SHROOM4: variants seen among roughly 807,000 people sequenced by gnomAD.
SHROOM4 encodes protein Shroom4.
In SHROOM4, 17 loss-of-function variants were observed where a neutral mutation model predicts 80.3. That is an observed-to-expected ratio of 0.21 (90% CI 0.14 to 0.32). The LOEUF is 0.32. Among genes scored for constraint, SHROOM4 ranks in the 10% least tolerant of loss-of-function variants. The probability of loss-of-function intolerance (pLI) is 1.00; values close to 1 mark genes in which losing one functional copy is unlikely to be tolerated. For missense variants in SHROOM4, 993 were observed against 1,140.3 expected, an observed-to-expected ratio of 0.87 and a Z score of 1.86; for synonymous variants, 400 against 437.5, an observed-to-expected ratio of 0.91 and a Z score of 1.07.
At chrX:50,602,178 G>A (rs1193807248) in intron 7 of SHROOM4, among the ~76,000 whole-genome samples, 4 of 107,466 alleles carry the variant, frequency 3.7e-5, no homozygotes, top group Non-Finnish European at 7.7e-5. Flanking sequence ...TGCAACCTCC[G>A]CCTCCCGGGT....
intron 1 of SHROOM4, among the ~76,000 whole-genome samples, chrX:50,774,673 G>GA (rs370357194): frequency 0.018 from 1,232 of 66,778 alleles, 14 homozygotes; most frequent in African/African-American, 0.033. Flanking sequence ...GAAAGATTTA[G>GA]AAAAAAAAAA....
intron 2 of SHROOM4, among the ~76,000 whole-genome samples, chrX:50,659,218 A>T (rs1557259759): frequency 8.9e-6 from 1 of 111,963 alleles, no homozygotes; most frequent in Non-Finnish European, 1.9e-5. Flanking sequence ...GAGAATAGTA[A>T]AATCAGATTC....
chrX:50,668,669 T>A (rs1339682775), intron 2 of SHROOM4, among the ~76,000 whole-genome samples: 2 of 112,024 alleles, frequency 1.8e-5, no homozygotes, highest in Non-Finnish European at 3.8e-5. Context: ...AATGATATGA[T>A]AAAGCACCCA....
chrX:50,644,155 TC>T (rs1194317068), intron 2 of SHROOM4, among the ~76,000 whole-genome samples: 1 of 112,247 alleles, frequency 8.9e-6, no homozygotes, highest in Non-Finnish European at 1.9e-5. Flanking sequence ...GGTCTGCACT[TC>T]CTGTGCGGAC....
chrX:50,792,437 C>T (rs1383567307), intron 1 of SHROOM4, among the ~76,000 whole-genome samples: 1 of 108,514 alleles, frequency 9.2e-6, no homozygotes, highest in African/African-American at 3.4e-5. Flanking sequence ...ACCCGGGCAG[C>T]AGAGGTTACA....
chrX:50,601,411 C>T (rs1929400224), intron 7 of SHROOM4, among the ~76,000 whole-genome samples: 1 of 112,118 alleles, frequency 8.9e-6, no homozygotes, highest in South Asian at 3.8e-4. Flanking sequence ...TCCAATTCTT[C>T]CCCTGACATT....
At chrX:50,761,593 C>T (rs188377003) in intron 1 of SHROOM4, among the ~76,000 whole-genome samples, 1 of 111,217 alleles carries the variant, frequency 9.0e-6, no homozygotes, top group Non-Finnish European at 1.9e-5. Flanking sequence ...GACGGAGTCT[C>T]GCTCTGTCAC....
intron 5 of SHROOM4, among the ~76,000 whole-genome samples, chrX:50,619,022 A>G (rs979809937): frequency 7.1e-5 from 8 of 112,111 alleles, no homozygotes; most frequent in African/African-American, 1.9e-4. Context: ...TGTTGACATC[A>G]GCAAGGAGAC....
chrX:50,700,825 G>T (rs782103088), intron 1 of SHROOM4, among the ~76,000 whole-genome samples: 1 of 112,171 alleles, frequency 8.9e-6, no homozygotes, highest in Non-Finnish European at 1.9e-5. Context: ...ACTTTTCAAT[G>T]AGAATTGAAA....
intron 2 of SHROOM4, among the ~76,000 whole-genome samples, chrX:50,649,213 A>G (rs1385210952): frequency 8.9e-6 from 1 of 112,062 alleles, no homozygotes; most frequent in African/African-American, 3.2e-5. Context: ...CATGAGTTTG[A>G]TTTCAGATAT....
chrX:50,619,398 C>A (rs1930479873), intron 5 of SHROOM4, among the ~76,000 whole-genome samples: 1 of 111,254 alleles, frequency 9.0e-6, no homozygotes, highest in Non-Finnish European at 1.9e-5. Context: ...CAGGTTATTG[C>A]CGAAGGAAAT....
At chrX:50,694,586 G>C (rs1557262897) in intron 2 of SHROOM4, among the ~76,000 whole-genome samples, 1 of 66,226 alleles carries the variant, frequency 1.5e-5, no homozygotes, top group Non-Finnish European at 2.7e-5. Context: ...TTGAGTTGCT[G>C]TGTGAGATTT....
At chrX:50,753,576 A>G (rs1934968705) in intron 1 of SHROOM4, among the ~76,000 whole-genome samples, 1 of 111,587 alleles carries the variant, frequency 9.0e-6, no homozygotes, top group Non-Finnish European at 1.9e-5. Context: ...ACTGGTGTAA[A>G]TTGACACACA....
At chrX:50,635,782 A>C in intron 3 of SHROOM4, 114 bp from the exon 4 acceptor site, 1 of 611,049 alleles carries the variant, frequency 1.6e-6, no homozygotes, top group South Asian at 2.6e-5. Context: ...GGGTAGGCAA[A>C]AAAAAAAAAG....
intron 4 of SHROOM4, among the ~76,000 whole-genome samples, chrX:50,629,754 T>A (rs1930968393): frequency 8.9e-6 from 1 of 111,794 alleles, no homozygotes; most frequent in Non-Finnish European, 1.9e-5. Flanking sequence ...CGTGAGTGCA[T>A]GCTGATTTCA....
At chrX:50,779,301 G>A (rs1935574980) in intron 1 of SHROOM4, among the ~76,000 whole-genome samples, 1 of 111,908 alleles carries the variant, frequency 8.9e-6, no homozygotes, top group Admixed American at 9.5e-5. Context: ...GGGCTTTATA[G>A]ACAACAGAGA....
intron 1 of SHROOM4, among the ~76,000 whole-genome samples, chrX:50,757,980 G>T (rs1377410933): frequency 2.7e-5 from 3 of 111,192 alleles, no homozygotes; most frequent in African/African-American, 9.8e-5. Flanking sequence ...TTTCACTGGT[G>T]TCTTATAGTT....
At position 50,596,358 on chromosome X, in the gene SHROOM4, G is replaced by T; in HGVS notation, c.*337C>A. 2.5e-6 allele frequency: 1 copy of T among 400,568 alleles called. No individual in the cohort carries two copies. Among genetic ancestry groups the T allele is most frequent in the African/African-American group, 2.4e-5 (1 of 41,253 alleles). 33.0% of individuals were successfully genotyped at this position (400,568 alleles called of 1,213,427 possible). ...TGTTGATGATATGGGTGGGTGATGA[G>T]TACTTGATGTCTTTGGTGTCCTAGT... On this transcript the variant is annotated 3_prime_UTR_variant, in exon 9 of 9. Coordinates refer to ENST00000376020, the MANE Select transcript of SHROOM4 (RefSeq NM_020717.5).
At chrX:50,710,504 G>A (rs1389474924) in intron 1 of SHROOM4, among the ~76,000 whole-genome samples, 1 of 110,417 alleles carries the variant, frequency 9.1e-6, no homozygotes, top group Non-Finnish European at 1.9e-5. Context: ...TAAACACTGG[G>A]GACTACCAGA....
Sources: allele counts gnomAD v4.1 joint callset (sites outside exome capture counted in the v4.1 genomes callset), GRCh38; gene constraint gnomAD v4.1.1; transcripts MANE v1.5; gene names NCBI Gene and HGNC (gene_info 2026-07-23, HGNC 2026-07-21).